NBEA: variants seen among roughly 807,000 people sequenced by gnomAD.
The protein encoded by NBEA is neurobeachin.
A neutral mutation model predicts 343.4 loss-of-function variants in NBEA; 44 were observed. The ratio of observed to expected loss-of-function variants is 0.13; its 90% CI spans 0.10 to 0.16. The LOEUF (loss-of-function observed/expected upper bound fraction) is 0.16, where lower values mean the gene tolerates loss of function less well. Among genes scored for constraint, NBEA ranks in the 10% least tolerant of loss-of-function variants. NBEA has a pLI of 1.00. For missense variants in NBEA, 2,555 were observed against 3,631.3 expected (o/e 0.70, Z 7.62); for synonymous variants, 1,175 against 1,238.7 (o/e 0.95, Z 1.08).
chr13:35,263,984 T>A (rs2033445372), intron 34 of NBEA, among the ~76,000 whole-genome samples: 1 of 149,032 alleles, frequency 6.7e-6, no homozygotes, highest in Non-Finnish European at 1.5e-5. Context: ...ACACAAAGAG[T>A]TGTTTTTTTT....
intron 38 of NBEA, among the ~76,000 whole-genome samples, chr13:35,387,746 T>A (rs2042311977): frequency 6.6e-6 from 1 of 151,632 alleles, no homozygotes; most frequent in African/African-American, 2.4e-5. Flanking sequence ...GAAAAAAAAA[T>A]GCATGGTGTA....
chr13:35,192,903 A>G (rs147499254), intron 30 of NBEA, among the ~76,000 whole-genome samples: 1 of 151,956 alleles, frequency 6.6e-6, no homozygotes, highest in African/African-American at 2.4e-5. Context: ...AACATGTCAT[A>G]TATAACGATA....
intron 31 of NBEA, among the ~76,000 whole-genome samples, chr13:35,203,173 G>GT (rs1463330935): frequency 1.3e-5 from 2 of 152,042 alleles, no homozygotes; most frequent in African/African-American, 4.8e-5. Flanking sequence ...AGCCTTCATG[G>GT]TTTCTCATCC....
intron 1 of NBEA, among the ~76,000 whole-genome samples, chr13:34,989,573 T>C (rs1319217820): frequency 1.3e-5 from 2 of 150,598 alleles, no homozygotes; most frequent in African/African-American, 4.8e-5. Flanking sequence ...GGTCCAGTCG[T>C]CTCCCACTAG....
At chr13:35,347,064 C>A (rs1047282696) in intron 36 of NBEA, among the ~76,000 whole-genome samples, 1 of 152,028 alleles carries the variant, frequency 6.6e-6, no homozygotes, top group Non-Finnish European at 1.5e-5. Context: ...GTCACACTCA[C>A]CTCAAAGACA....
intron 38 of NBEA, among the ~76,000 whole-genome samples, chr13:35,358,887 C>T (rs887424985): frequency 3.9e-5 from 6 of 152,038 alleles, no homozygotes; most frequent in Non-Finnish European, 5.9e-5. Context: ...ATGAGTAGCG[C>T]GTCTTTAGCA....
At chr13:35,595,007 T>A (rs1229650036) in intron 47 of NBEA, among the ~76,000 whole-genome samples, 1 of 148,170 alleles carries the variant, frequency 6.7e-6, no homozygotes, top group Admixed American at 6.7e-5. Context: ...GCTTTTCAAC[T>A]TAATTCAGAG....
chr13:35,334,654 C>A (rs2039139980), intron 36 of NBEA, among the ~76,000 whole-genome samples: 1 of 152,162 alleles, frequency 6.6e-6, no homozygotes, highest in South Asian at 2.1e-4. Flanking sequence ...CGTGTGTCTT[C>A]TTTTGAAAAA....
chr13:35,474,569 C>T (rs2075782823), intron 41 of NBEA: 1 of 152,964 alleles, frequency 6.5e-6, no homozygotes, highest in African/African-American at 2.4e-5. Flanking sequence ...TTCTGTTCAC[C>T]AAATCACAAA....
chr13:35,426,654 G>A (rs1422411417), intron 38 of NBEA, among the ~76,000 whole-genome samples: 1 of 152,098 alleles, frequency 6.6e-6, no homozygotes, highest in African/African-American at 2.4e-5. Context: ...GAGTATCTTT[G>A]TGGCGGTCTC....
chr13:35,246,413 G>T (rs918163026), intron 34 of NBEA, among the ~76,000 whole-genome samples: 2 of 152,146 alleles, frequency 1.3e-5, no homozygotes, highest in Non-Finnish European at 2.9e-5. Flanking sequence ...ATTTGGGTAG[G>T]CTTTGTCAGA....
intron 17 of NBEA, among the ~76,000 whole-genome samples, chr13:35,139,603 G>C (rs546414632): frequency 6.6e-6 from 1 of 152,140 alleles, no homozygotes; most frequent in South Asian, 2.1e-4. Flanking sequence ...TATGATGTTA[G>C]TTTTTCCAGT....
rs1354415241 is a variant in NBEA, at chr13:35,118,459, A to G, written c.2228A>G (p.Gln743Arg). Residue 743 changes from glutamine (Q) to arginine (R), a missense_variant, in exon 16 of 59, where the codon CAA becomes CGA. Coordinates refer to ENST00000379939, the MANE Select transcript of NBEA (RefSeq NM_001385012.1). ...HPASMIPAFD[Q>R]RNGIRVIYKL... ...GCCTCAATGATACCAGCATTTGATC[A>G]AAGAAATGGAATAAGGTATGATTAT... 3.1e-6 allele frequency: 5 copies of G among 1,598,196 alleles called. No individual in the cohort carries two copies. Among genetic ancestry groups the G allele is most frequent in the Non-Finnish European group, 4.3e-6 (5 of 1,171,510 alleles).
chr13:35,012,612 G>A (rs1330003469), intron 1 of NBEA, among the ~76,000 whole-genome samples: 2 of 152,124 alleles, frequency 1.3e-5, no homozygotes, highest in Admixed American at 6.6e-5. Flanking sequence ...TAAGTGACAG[G>A]GTTGGGATTT....
At position 35,400,425 on chromosome 13, in the gene NBEA, C is replaced by T. The variant is rs149759634; in HGVS notation, c.6180-31844C>T. 8.9e-4 allele frequency among the ~76,000 whole-genome samples: 135 copies of T among 151,814 alleles called. 4 individuals carry two copies. In the East Asian group the frequency reaches 0.025, roughly 28 times the overall value. ...TAGTGCCTGGCTCACATTTGTTACT[C>T]AGAAAAATTATCTTATTGAGAATCA... is the stretch of plus-strand genomic sequence containing the variant. On this transcript the variant is annotated intron_variant, in intron 38 of 58. Transcript: ENST00000379939.
At position 35,173,497 on chromosome 13, in the gene NBEA, G is replaced by T. The variant is rs2070633009; in HGVS notation, c.4457G>T (p.Cys1486Phe). 6.2e-7 allele frequency: 1 copy of T among 1,609,726 alleles called. No homozygotes were observed. Among genetic ancestry groups the T allele is most frequent in the Non-Finnish European group, 8.5e-7 (1 of 1,177,454 alleles). The change falls in exon 27 of 59, where the codon TGT (cysteine) becomes TTT (phenylalanine). Residue 1486 changes from cysteine to phenylalanine, a missense_variant. By Grantham distance (205) the Cys-to-Phe change is radical (BLOSUM62 -2). Transcript: ENST00000379939. ...GTTGCTGTGAGAAACTGTTTAGAAT[G>T]TCGGCAAAGACAGAGAGACAGGGGA... ...CCVAVRNCLE[C>F]RQRQRDRGNK...
chr13:35,209,628 C>A (rs1423880665), intron 32 of NBEA, among the ~76,000 whole-genome samples: 1 of 152,040 alleles, frequency 6.6e-6, no homozygotes, highest in East Asian at 1.9e-4. Context: ...CTTTTCTTCC[C>A]TGACTATAGT....
chr13:35,428,672 T>C (rs1202182781), intron 38 of NBEA, among the ~76,000 whole-genome samples: 2 of 152,224 alleles, frequency 1.3e-5, no homozygotes, highest in East Asian at 3.9e-4. Flanking sequence ...AAGTATATTT[T>C]CAATCATGGC....
intron 11 of NBEA, among the ~76,000 whole-genome samples, chr13:35,101,182 G>A (rs1244200103): frequency 6.6e-6 from 1 of 151,944 alleles, no homozygotes; most frequent in Non-Finnish European, 1.5e-5. Flanking sequence ...TAGGTTATAT[G>A]TGGACATATG....
Sources: gnomAD v4.1 joint callset for allele counts (sites outside exome capture counted in the v4.1 genomes callset) on GRCh38, gnomAD v4.1.1 for gene constraint, MANE v1.5 for transcripts, NCBI Gene and HGNC (gene_info 2026-07-23, HGNC 2026-07-21) for gene names.